The following CSMD1 variants were observed in gnomAD, a reference collection of about 807,000 sequenced individuals.
CSMD1 encodes CUB and sushi domain-containing protein 1.
A neutral mutation model predicts 417.5 loss-of-function variants in CSMD1; 213 were observed. That is an observed-to-expected ratio of 0.51 (90% CI 0.46 to 0.57). CSMD1 has a LOEUF of 0.57. CSMD1 is among the 20% of genes least tolerant of loss of function. The pLI is 0.00. For missense variants in CSMD1, 6,923 were observed against 4,529.7 expected (o/e 1.53, Z -15.17); for synonymous variants, 2,862 against 1,736.8 (o/e 1.65, Z -16.11).
intron 41 of CSMD1, among the ~76,000 whole-genome samples, chr8:3,123,718 A>G (rs1817338695): frequency 6.6e-6 from 1 of 152,242 alleles, no homozygotes; most frequent in Non-Finnish European, 1.5e-5. Context: ...ACGAATTAGC[A>G]GTGCCTTGGA....
chr8:4,241,454 C>T (rs995201230), intron 3 of CSMD1, among the ~76,000 whole-genome samples: 2 of 152,182 alleles, frequency 1.3e-5, no homozygotes, highest in Non-Finnish European at 2.9e-5. Flanking sequence ...GTCACTACAT[C>T]TCCAACTGCA....
intron 2 of CSMD1, among the ~76,000 whole-genome samples, chr8:4,551,115 A>G (rs566170660): frequency 9.3e-4 from 142 of 152,228 alleles, no homozygotes; most frequent in Non-Finnish European, 1.9e-3. Flanking sequence ...AATTACCTAA[A>G]GAGACACTGA....
chr8:4,805,728 T>A (rs979623719), intron 1 of CSMD1, among the ~76,000 whole-genome samples: 1 of 152,210 alleles, frequency 6.6e-6, no homozygotes, highest in African/African-American at 2.4e-5. Flanking sequence ...ATATTATAAT[T>A]TGTTCAAATT....
chr8:3,979,033 C>A (rs1265128173), intron 5 of CSMD1, among the ~76,000 whole-genome samples: 2 of 152,194 alleles, frequency 1.3e-5, no homozygotes, highest in African/African-American at 4.8e-5. Flanking sequence ...CTGCACAACA[C>A]CTGGACCACA....
At chr8:3,399,338 T>C (rs1811893145) in intron 16 of CSMD1, 53 bp downstream of exon 16, 1 of 1,490,778 alleles carries the variant, frequency 6.7e-7, no homozygotes, top group African/African-American at 1.4e-5. Flanking sequence ...TTACTAAAAC[T>C]ATGGAAGAGA....
intron 5 of CSMD1, among the ~76,000 whole-genome samples, chr8:3,856,964 T>C (rs570594872): frequency 7.3e-5 from 11 of 151,708 alleles, no homozygotes; most frequent in African/African-American, 2.2e-4. Flanking sequence ...AAGAATCAAG[T>C]AGAATTTGGA....
chr8:3,464,802 A>G (rs1322124654), intron 12 of CSMD1, among the ~76,000 whole-genome samples: 4 of 152,040 alleles, frequency 2.6e-5, no homozygotes, highest in Non-Finnish European at 5.9e-5. Context: ...TGAACAGATT[A>G]TTTTTAATTC....
chr8:3,114,580 C>T (rs966669528), intron 42 of CSMD1, among the ~76,000 whole-genome samples: 1 of 151,588 alleles, frequency 6.6e-6, no homozygotes, highest in Non-Finnish European at 1.5e-5. Context: ...CTCTGGTTTC[C>T]TTAGAAGCAT....
intron 3 of CSMD1, among the ~76,000 whole-genome samples, chr8:4,398,384 A>ATT (rs1804401716): frequency 8.8e-6 from 1 of 113,898 alleles, no homozygotes; most frequent in African/African-American, 3.2e-5. Context: ...TCTTGCTGCA[A>ATT]CTTCTTTTTT....
chr8:3,051,585 T>C (rs1385761004), intron 50 of CSMD1, among the ~76,000 whole-genome samples: 1 of 152,216 alleles, frequency 6.6e-6, no homozygotes, highest in Non-Finnish European at 1.5e-5. Flanking sequence ...CATGTATCCC[T>C]GAACCTAAAA....
In CSMD1 at chr8:4,364,625, C is replaced by G. The variant is rs566491315; in HGVS notation, c.415+55328G>C. On this transcript the variant is annotated intron_variant, in intron 3 of 69. Transcript: ENST00000635120. ...GGATCACGAGGTCAGGAGATCGAGA[C>G]CATCCCGGCTAAAACGGTGAAACCC... is the stretch of plus-strand genomic sequence containing the variant. 3.2e-4 allele frequency among the ~76,000 whole-genome samples: 6 copies of G among 18,660 alleles called. 2 individuals carry two copies. Among genetic ancestry groups the G allele is most frequent in the Middle Eastern group, 0.022 (1 of 46 alleles). The allele number at this position is 18,660 out of a possible 152,430, so 12.2% of individuals were successfully genotyped here.
At chr8:3,707,734 C>T (rs952515406) in intron 7 of CSMD1, among the ~76,000 whole-genome samples, 5 of 152,178 alleles carry the variant, frequency 3.3e-5, no homozygotes, top group African/African-American at 1.2e-4. Context: ...TGGCTTTCAG[C>T]TAAAGGACAA....
At chr8:4,374,224 C>A (rs1415006511) in intron 3 of CSMD1, among the ~76,000 whole-genome samples, 1 of 152,100 alleles carries the variant, frequency 6.6e-6, no homozygotes, top group Admixed American at 6.5e-5. Flanking sequence ...AACAGCAGTC[C>A]CCACAACATC....
At chr8:3,600,284 T>A (rs1479730709) in intron 8 of CSMD1, among the ~76,000 whole-genome samples, 2 of 152,192 alleles carry the variant, frequency 1.3e-5, no homozygotes, top group African/African-American at 4.8e-5. Flanking sequence ...TCATAAAATT[T>A]AGAATTTGGT....
At chr8:4,827,605 G>A (rs1056544754) in intron 1 of CSMD1, among the ~76,000 whole-genome samples, 1 of 152,174 alleles carries the variant, frequency 6.6e-6, no homozygotes. Context: ...TGAGGAGCTT[G>A]TGTCTCAGAA....
intron 1 of CSMD1, among the ~76,000 whole-genome samples, chr8:4,662,668 T>C (rs1206723348): frequency 6.6e-6 from 1 of 152,200 alleles, no homozygotes; most frequent in Non-Finnish European, 1.5e-5. Flanking sequence ...CACTTCGTTT[T>C]GTGGTCTACT....
chr8:4,183,957 A>G (rs1798521990), intron 3 of CSMD1, among the ~76,000 whole-genome samples: 1 of 152,174 alleles, frequency 6.6e-6, no homozygotes, highest in African/African-American at 2.4e-5. Context: ...TGCTCCTGAG[A>G]ACACAGAAGG....
chr8:4,571,176 T>G (rs1238483937), intron 2 of CSMD1, among the ~76,000 whole-genome samples: 2 of 152,182 alleles, frequency 1.3e-5, no homozygotes, highest in Admixed American at 1.3e-4. Context: ...ATTTCTTGTC[T>G]TCTGCTAGGT....
At chr8:4,391,200 T>C (rs1803828545) in intron 3 of CSMD1, among the ~76,000 whole-genome samples, 2 of 152,154 alleles carry the variant, frequency 1.3e-5, no homozygotes, top group Admixed American at 6.5e-5. Context: ...TCCTGAAAAG[T>C]TGCATTTCAT....
Sources: allele counts gnomAD v4.1 joint callset (sites outside exome capture counted in the v4.1 genomes callset), GRCh38; gene constraint gnomAD v4.1.1; transcripts MANE v1.5; gene names NCBI Gene and HGNC (gene_info 2026-07-23, HGNC 2026-07-21).